Variants in SLC2A13 observed in about 807,000 individuals in gnomAD.
SLC2A13 encodes proton myo-inositol cotransporter.
A neutral mutation model predicts 64.4 loss-of-function variants in SLC2A13; 32 were observed. The observed-to-expected ratio is 0.50, with a 90% CI of 0.37 to 0.67. The LOEUF is 0.67. Ranked by LOEUF, SLC2A13 falls within the 30% of genes least tolerant of loss-of-function variation. The pLI, the probability that SLC2A13 is intolerant of heterozygous loss-of-function variation, is 0.00. For missense variants in SLC2A13, 743 were observed against 829.2 expected, an observed-to-expected ratio of 0.90 and a Z score of 1.28; for synonymous variants, 338 against 327.1, an observed-to-expected ratio of 1.03 and a Z score of -0.36.
At chr12:39,941,507 A>G (rs561233079) in intron 4 of SLC2A13, among the ~76,000 whole-genome samples, 1 of 152,076 alleles carries the variant, frequency 6.6e-6, no homozygotes, top group Non-Finnish European at 1.5e-5. Context: ...TTTGATTTGC[A>G]CTTCCCTGAT....
rs888181948 is a variant in SLC2A13, at chr12:40,105,659, G to A, written c.150C>T (p.Ser50=). 18 of 1,493,182 alleles carry A rather than the reference G, an allele frequency of 1.2e-5. No homozygotes were observed. The African/African-American group carries it at 2.1e-4, about 17-fold the overall frequency. 92.5% of individuals were successfully genotyped at this position (1,493,182 alleles called of 1,614,324 possible). A position where few individuals can be genotyped will look rare whatever the true frequency, so the allele number is the denominator to read the frequency against. Residue 50 remains serine (S), a synonymous_variant, in exon 1 of 10, where the codon AGC becomes AGT. Transcript: ENST00000280871. The surrounding 1 kb of genome is among the most constrained non-coding windows in gnomAD (Gnocchi z 4.2). Reference sequence around the variant, plus strand: ...CGCCGCCCGCGCCCGCGCTCTGCAGGCTGGTGCTCGATTCGGCGGCAGCCA... The same window carrying A: ...CGCCGCCCGCGCCCGCGCTCTGCAGACTGGTGCTCGATTCGGCGGCAGCCA... ...SLLAAAESST[S]LQSAGAGGGG... is the part of the protein sequence containing the mutation.
rs754861906 is a variant in SLC2A13 at position 40,028,313 on chromosome 12, C to G, written c.913G>C (p.Glu305Gln). The change falls in exon 3 of 10, where the codon GAG becomes CAG. Residue 305 changes from glutamate (E) to glutamine (Q), a missense_variant. Around this residue, in one of 2 missense-constraint regions of SLC2A13, gnomAD observed 448 missense variants for 447.4 expected, o/e 1.00. Transcript: ENST00000280871. ...AAAGTCTATATACCTGAGCCAACCTCTTTTTCCTCCTCTTCAATGTTGTTT... is the reference window on the plus strand; with the variant it reads ...AAAGTCTATATACCTGAGCCAACCTGTTTTTCCTCCTCTTCAATGTTGTTT... Reference protein sequence around the residue: ...IKNNIEEEEKEVGSAGPVICR... With the variant: ...IKNNIEEEEKQVGSAGPVICR... 6.2e-7 allele frequency: 1 copy of G among 1,613,728 alleles called. No individual in the cohort carries two copies. The highest frequency in any genetic ancestry group is 1.1e-5 in the South Asian group (1 of 91,036).
At chr12:39,953,251 A>T (rs952051000) in intron 3 of SLC2A13, among the ~76,000 whole-genome samples, 4 of 152,146 alleles carry the variant, frequency 2.6e-5, no homozygotes, top group Admixed American at 6.5e-5. Flanking sequence ...TAAACATCAC[A>T]TATTTCCTAG....
chr12:40,011,630 T>C (rs995898894), intron 3 of SLC2A13, among the ~76,000 whole-genome samples: 7 of 152,146 alleles, frequency 4.6e-5, no homozygotes, highest in African/African-American at 1.4e-4. Context: ...AGGTCGTTTT[T>C]CAACCCTTTC....
chr12:39,864,731 G>C (rs748615811), intron 6 of SLC2A13, 31 bp downstream of exon 6: 2 of 1,609,608 alleles, frequency 1.2e-6, no homozygotes, highest in African/African-American at 2.7e-5. Flanking sequence ...CCAGAGTCAT[G>C]TAAAGGAAGA....
intron 1 of SLC2A13, among the ~76,000 whole-genome samples, chr12:40,093,059 T>C (rs1938819482): frequency 6.6e-6 from 1 of 152,270 alleles, no homozygotes; most frequent in African/African-American, 2.4e-5. Context: ...AAGTTCATCC[T>C]TGAGAGTCTG....
chr12:39,974,958 T>G (rs1469238915), intron 3 of SLC2A13, among the ~76,000 whole-genome samples: 1 of 152,242 alleles, frequency 6.6e-6, no homozygotes, highest in Non-Finnish European at 1.5e-5. Context: ...TTATGTATTA[T>G]AAAACTATAG....
chr12:40,094,274 G>A (rs1388138631), intron 1 of SLC2A13, among the ~76,000 whole-genome samples: 2 of 152,094 alleles, frequency 1.3e-5, no homozygotes, highest in African/African-American at 4.8e-5. Context: ...GACAGGTCTG[G>A]GCTGAAATCT....
intron 3 of SLC2A13, among the ~76,000 whole-genome samples, chr12:40,005,269 T>C (rs1339672867): frequency 6.6e-6 from 1 of 152,132 alleles, no homozygotes; most frequent in African/African-American, 2.4e-5. Context: ...CTTCACAGAA[T>C]AGAGGAAGGG....
At chr12:39,888,532 A>C (rs1257155254) in intron 4 of SLC2A13, among the ~76,000 whole-genome samples, 2 of 152,184 alleles carry the variant, frequency 1.3e-5, no homozygotes, top group Non-Finnish European at 2.9e-5. Flanking sequence ...GCCCATTCTA[A>C]GTTTTTACTT....
intron 4 of SLC2A13, among the ~76,000 whole-genome samples, chr12:39,913,702 T>C (rs1945471475): frequency 6.6e-6 from 1 of 151,912 alleles, no homozygotes; most frequent in Non-Finnish European, 1.5e-5. Flanking sequence ...GATATAATAC[T>C]AGTAAGTATA....
In SLC2A13 at chr12:40,106,053, G is replaced by A. The variant is rs1342826906; in HGVS notation, c.-245C>T. On this transcript the variant is annotated 5_prime_UTR_variant, in exon 1 of 10. Transcript: ENST00000280871. ...GTCTCACTCCACACTCACGCCCCGC[G>A]CCTGCCGAGCTGGCGCTGCGGAGCG... 1.4e-5 allele frequency: 5 copies of A among 365,900 alleles called. No individual in the cohort carries two copies. The highest frequency in any genetic ancestry group is 1.9e-5 in the Non-Finnish European group (4 of 211,350). 22.7% of individuals were successfully genotyped at this position (365,900 alleles called of 1,614,324 possible).
At chr12:39,977,940 T>C (rs917059368) in intron 3 of SLC2A13, among the ~76,000 whole-genome samples, 5 of 152,210 alleles carry the variant, frequency 3.3e-5, no homozygotes, top group Non-Finnish European at 5.9e-5. Flanking sequence ...ATCTAAATTA[T>C]TATCTTTATG....
intron 2 of SLC2A13, among the ~76,000 whole-genome samples, chr12:40,032,478 C>A (rs1565598138): frequency 6.6e-6 from 1 of 152,210 alleles, no homozygotes. Flanking sequence ...CCAAAGCAGG[C>A]CATTTAAAGG....
chr12:40,099,394 T>C (rs1939072269), intron 1 of SLC2A13, among the ~76,000 whole-genome samples: 1 of 152,162 alleles, frequency 6.6e-6, no homozygotes, highest in Admixed American at 6.5e-5. Context: ...AAAATTAGAC[T>C]CAGGTGATTT....
At chr12:39,956,076 AATAAT>A (rs553841348) in intron 3 of SLC2A13, among the ~76,000 whole-genome samples, 10 of 152,342 alleles carry the variant, frequency 6.6e-5, no homozygotes, top group Admixed American at 3.3e-4. Context: ...CAGATATTAA[AATAAT>A]AAGAGTATCA....
chr12:39,974,156 A>G (rs925980566), intron 3 of SLC2A13, among the ~76,000 whole-genome samples: 1 of 152,012 alleles, frequency 6.6e-6, no homozygotes, highest in African/African-American at 2.4e-5. Context: ...AATTCTCACA[A>G]CAAATATATG....
chr12:40,033,860 G>A (rs183942219), intron 2 of SLC2A13, among the ~76,000 whole-genome samples: 6 of 152,232 alleles, frequency 3.9e-5, no homozygotes, highest in African/African-American at 1.2e-4. Context: ...ATGATAGATC[G>A]AAAGTTGCTT....
intron 3 of SLC2A13, among the ~76,000 whole-genome samples, chr12:40,024,059 A>G (rs913309587): frequency 6.6e-6 from 1 of 152,224 alleles, no homozygotes; most frequent in Non-Finnish European, 1.5e-5. Flanking sequence ...CTAAGCAGAA[A>G]AGTTTGCCAA....
Sources: gnomAD v4.1 joint callset for allele counts (sites outside exome capture counted in the v4.1 genomes callset) on GRCh38, gnomAD v4.1.1 for gene constraint, gnomAD v4.1.1 regional missense constraint, Gnocchi (gnomAD v3.1) non-coding constraint, MANE v1.5 for transcripts, NCBI Gene and HGNC (gene_info 2026-07-23, HGNC 2026-07-21) for gene names.